CHRNB4: variants seen among roughly 807,000 people sequenced by gnomAD.
The protein encoded by CHRNB4 is cholinergic receptor nicotinic beta 4 subunit, also known as neuronal acetylcholine receptor subunit beta-4.
Under a neutral mutation model 40.4 loss-of-function variants are expected in CHRNB4, and 23 were observed. That is an observed-to-expected ratio of 0.57 (90% CI 0.41 to 0.81). CHRNB4 has a LOEUF of 0.81. Among genes scored for constraint, CHRNB4 ranks in the 30% least tolerant of loss-of-function variants. CHRNB4 has a pLI of 0.00. For missense variants in CHRNB4, 568 were observed against 670.6 expected (o/e 0.85, Z 1.69); for synonymous variants, 285 against 274.4 (o/e 1.04, Z -0.38).
upstream of CHRNB4, chr15:78,661,261 GC>G: frequency 1.7e-6 from 1 of 604,088 alleles, no homozygotes. Flanking sequence ...CTTGCCCCCT[GC>G]CCCGCCCTGA....
At chr15:78,647,576 G>A (rs1301708509) in intron 7 of CHRNB4, among the ~76,000 whole-genome samples, 2 of 151,578 alleles carry the variant, frequency 1.3e-5, no homozygotes, top group Admixed American at 6.6e-5. Context: ...GCCGGGTGCA[G>A]TGGCTCACGC....
At position 78,625,056 on chromosome 15, in the gene CHRNB4, C is replaced by G. The variant is rs566541427; in HGVS notation, c.*77G>C. 2.5e-6 allele frequency: 4 copies of G among 1,609,042 alleles called. No individual in the cohort carries two copies. The highest frequency in any genetic ancestry group is 2.5e-6 in the Non-Finnish European group (3 of 1,179,728). ...CTCACATATTTACTTAGGGCCTCATCAGCCACAACCCAGAAAGAAGCAGCA... is the reference window on the plus strand; with the variant it reads ...CTCACATATTTACTTAGGGCCTCATGAGCCACAACCCAGAAAGAAGCAGCA... On this transcript the variant is annotated 3_prime_UTR_variant, in exon 6 of 6. Coordinates refer to ENST00000261751, the MANE Select transcript of CHRNB4 (RefSeq NM_000750.5).
At chr15:78,652,662 G>A (rs374824533) in exon 6 of CHRNB4, 4 of 152,364 alleles carry the variant, frequency 2.6e-5, no homozygotes, top group Admixed American at 1.3e-4. Context: ...GTGACTCCAC[G>A]ACTTTCCATC....
intron 2 of CHRNB4, among the ~76,000 whole-genome samples, chr15:78,633,481 C>T (rs1339196000): frequency 6.6e-6 from 1 of 152,174 alleles, no homozygotes; most frequent in Non-Finnish European, 1.5e-5. Flanking sequence ...TTCCACATTC[C>T]AGGCTGTTGG....
chr15:78,652,889 T>C (rs1466841574), intron 5 of CHRNB4, among the ~76,000 whole-genome samples: 2 of 152,104 alleles, frequency 1.3e-5, no homozygotes, highest in Non-Finnish European at 1.5e-5. Flanking sequence ...GGGGTGGTGG[T>C]GGAATGGGAG....
At chr15:78,627,530 T>C (rs2053685062) in intron 5 of CHRNB4, 1 of 152,240 alleles carries the variant, frequency 6.6e-6, no homozygotes, top group African/African-American at 2.4e-5. Context: ...GCGCTTCTCC[T>C]TGAGAATGCA....
chr15:78,660,090 C>T (rs1194610188), intron 1 of CHRNB4, among the ~76,000 whole-genome samples: 1 of 151,942 alleles, frequency 6.6e-6, no homozygotes, highest in African/African-American at 2.4e-5. Context: ...ACCTGTAATC[C>T]CAGCTACTCA....
chr15:78,624,875 T>A lies in CHRNB4; in HGVS notation c.*258A>T. 7.9e-7 allele frequency: 1 copy of A among 1,273,788 alleles called. No homozygotes were observed. The highest frequency in any genetic ancestry group is 1.1e-6 in the Non-Finnish European group (1 of 950,364). 78.9% of individuals were successfully genotyped at this position (1,273,788 alleles called of 1,614,324 possible). Reference sequence around the variant, plus strand: ...AGTCATCTTTATCCCCATTGCCCGGTGCAGGGAAGGAAGACAGGCCAGAAT... The same window carrying A: ...AGTCATCTTTATCCCCATTGCCCGGAGCAGGGAAGGAAGACAGGCCAGAAT... On this transcript the variant is annotated 3_prime_UTR_variant, in exon 6 of 6. Coordinates refer to ENST00000261751, the MANE Select transcript of CHRNB4 (RefSeq NM_000750.5).
At chr15:78,657,798 C>T (rs1360558064) in intron 2 of CHRNB4, among the ~76,000 whole-genome samples, 4 of 151,990 alleles carry the variant, frequency 2.6e-5, no homozygotes, top group Admixed American at 1.3e-4. Context: ...ATGATCTGCC[C>T]GCCTCGGCCT....
At position 78,630,879 on chromosome 15, in the gene CHRNB4, C is replaced by T. The variant is rs564341267; in HGVS notation, c.359+197G>A. On this transcript the variant is annotated intron_variant, in intron 4 of 5. Coordinates refer to ENST00000261751, the MANE Select transcript of CHRNB4 (RefSeq NM_000750.5). ...GAATCAGACAAGGTCCCTCCCCTCC[C>T]TCAGCCTCCAACTCCCCATCTGTAA... 259 of 579,496 alleles carry T rather than the reference C, an allele frequency of 4.5e-4. 1 individual carries two copies. The highest frequency in any genetic ancestry group is 1.8e-3 in the South Asian group (92 of 50,052). The allele number at this position is 579,496 out of a possible 1,614,324, so 35.9% of individuals were successfully genotyped here.
intron 2 of CHRNB4, among the ~76,000 whole-genome samples, chr15:78,633,666 C>T (rs576607051): frequency 1.3e-5 from 2 of 152,122 alleles, no homozygotes; most frequent in Non-Finnish European, 2.9e-5. Flanking sequence ...TGCCAAGTGG[C>T]ATTTGGGTCT....
chr15:78,655,412 ATATATCTATATATC>A (rs1164025564), intron 5 of CHRNB4: 11 of 148,570 alleles, frequency 7.4e-5, no homozygotes, highest in Non-Finnish European at 1.6e-4. Context: ...ACATATCTAT[ATATATCTATATATC>A]TATATCTATA....
In CHRNB4 at chr15:78,629,420, G is replaced by A. The variant is rs3743072; in HGVS notation, c.885C>T (p.Ile295=). 20,063 of 1,614,072 alleles carry A rather than the reference G, an allele frequency of 0.012. 571 individuals carry two copies. Among genetic ancestry groups the A allele is most frequent in the African/African-American group, 0.098 (7,323 of 74,970 alleles). The change falls in exon 5 of 6, where the codon ATC becomes ATT. Residue 295 remains isoleucine (I), a synonymous_variant. Coordinates refer to ENST00000261751, the MANE Select transcript of CHRNB4 (RefSeq NM_000750.5). This position sits in a 1 kb window ranked among gnomAD's most constrained non-coding sequence, Gnocchi z 6.8. ...CCATGGTGAACATGAGGTACTTGCC[G>A]ATGAGAGGCACATCGAGGGAGGTGG... ...VPPTSLDVPL[I]GKYLMFTMVL...
intron 4 of CHRNB4, among the ~76,000 whole-genome samples, chr15:78,630,178 T>C (rs1415310170): frequency 1.4e-4 from 22 of 151,736 alleles, no homozygotes. Context: ...CTTGCTCTGT[T>C]GCCCAGGCTG....
rs773221717 is a variant in CHRNB4 at position 78,625,140 on chromosome 15, C to T, written c.1490G>A (p.Arg497His). Residue 497 changes from arginine (R) to histidine (H), a missense_variant, in exon 6 of 6, where the codon CGT becomes CAT. Arg to His is a conservative substitution (Grantham distance 29, BLOSUM62 0). Transcript: ENST00000261751. ...AASEGPYAAQ[R>H]D ...CCACAACCCAGGGGGCCCTCAGTCACGCTGGGCAGCGTAGGGCCCCTCAGA... is the reference window on the plus strand; with the variant it reads ...CCACAACCCAGGGGGCCCTCAGTCATGCTGGGCAGCGTAGGGCCCCTCAGA... 42 of 1,614,082 alleles carry T rather than the reference C, an allele frequency of 2.6e-5. No individual in the cohort carries two copies. The African/African-American group carries it at 2.8e-4, about 11-fold the overall frequency.
In CHRNB4 at chr15:78,653,972, T is replaced by A. The variant is rs771531929; in HGVS notation, c.-109-1301A>T. On this transcript the variant is annotated intron_variant and NMD_transcript_variant, in intron 5 of 11. Transcript: ENST00000559849. ...GGATGGGTTGCAATGGGCTCCAGGATGAAAGGCTGTGCAGAGGAAGCTCAA... is the reference window on the plus strand; with the variant it reads ...GGATGGGTTGCAATGGGCTCCAGGAAGAAAGGCTGTGCAGAGGAAGCTCAA... 4.6e-5 allele frequency among the ~76,000 whole-genome samples: 7 copies of A among 152,152 alleles called. No homozygotes were observed. The East Asian group carries it at 1.3e-3, about 29-fold the overall frequency.
upstream of CHRNB4, chr15:78,661,078 G>C: frequency 1.7e-6 from 1 of 600,914 alleles, no homozygotes; most frequent in South Asian, 1.4e-5. Flanking sequence ...TTGACCTCTG[G>C]CGCGCTTGAA....
intron 4 of CHRNB4, among the ~76,000 whole-genome samples, chr15:78,630,283 C>T (rs760314289): frequency 3.1e-4 from 47 of 151,974 alleles, no homozygotes; most frequent in Non-Finnish European, 5.9e-5. Flanking sequence ...GGATTACAGG[C>T]ATGCGCCACC....
intron 1 of CHRNB4, among the ~76,000 whole-genome samples, chr15:78,637,552 G>A (rs73465097): frequency 0.051 from 7,779 of 151,970 alleles, 644 homozygotes; most frequent in African/African-American, 0.17. Flanking sequence ...CTCAGGAGTC[G>A]ATTACATCTT....
Sources: gnomAD v4.1 joint callset for allele counts (sites outside exome capture counted in the v4.1 genomes callset) on GRCh38, gnomAD v4.1.1 for gene constraint, Gnocchi (gnomAD v3.1) non-coding constraint, MANE v1.5 for transcripts, NCBI Gene and HGNC (gene_info 2026-07-23, HGNC 2026-07-21) for gene names.